Variants in MORC2 observed in about 807,000 individuals in gnomAD.
The protein encoded by MORC2 is MORC family CW-type zinc finger 2.
MORC2 carries 30 observed loss-of-function variants against 136.0 expected under a neutral mutation model. That is an observed-to-expected ratio of 0.22 (90% CI 0.17 to 0.30). The LOEUF is 0.30. MORC2 is among the 10% of genes least tolerant of loss of function. The pLI, the probability that MORC2 is intolerant of heterozygous loss-of-function variation, is 1.00. For synonymous variants in MORC2, 439 were observed against 487.0 expected (o/e 0.90, Z 1.30); for missense variants, 922 against 1,333.1 (o/e 0.69, Z 4.80).
At chr22:30,945,531 T>C (rs1250372550) in intron 6 of MORC2, among the ~76,000 whole-genome samples, 1 of 152,158 alleles carries the variant, frequency 6.6e-6, no homozygotes, top group Non-Finnish European at 1.5e-5. Flanking sequence ...CTCCATGTCT[T>C]ACATAGGAAA....
At position 30,940,052 on chromosome 22, in the gene MORC2, G is replaced by A. The variant is rs375444407; in HGVS notation, c.905-11C>T. 6.8e-6 allele frequency: 11 copies of A among 1,612,800 alleles called. No individual in the cohort carries two copies. In the African/African-American group the frequency reaches 1.5e-4, roughly 22 times the overall value. ...GCGCCTTCTCTTCAGCTGAAACCCA[G>A]AAGAGAACATGGTAAGAAATGCAAA... On this transcript the variant is annotated splice_polypyrimidine_tract_variant and intron_variant, in intron 10 of 25. Coordinates refer to ENST00000397641, the MANE Select transcript of MORC2 (RefSeq NM_001303256.3).
intron 1 of MORC2, among the ~76,000 whole-genome samples, chr22:30,962,496 GA>G: frequency 6.6e-6 from 1 of 151,894 alleles, no homozygotes; most frequent in Non-Finnish European, 1.5e-5. Flanking sequence ...TTGAAAGGCT[GA>G]GGTGGGAGGA....
chr22:30,927,835 G>C (rs1170865430), intron 25 of MORC2, among the ~76,000 whole-genome samples, 184 bp downstream of exon 25: 1 of 152,248 alleles, frequency 6.6e-6, no homozygotes. Flanking sequence ...CTATGGGTCT[G>C]GCTGGGCTGA....
Position 30,967,679 on chromosome 22 carries a change from G to A in MORC2, c.68+143C>T, listed in dbSNP as rs2041149489. 4 of 1,467,028 alleles carry A rather than the reference G, an allele frequency of 2.7e-6. No individual in the cohort carries two copies. In the East Asian group the frequency reaches 1.0e-4, roughly 37 times the overall value. 90.9% of individuals were successfully genotyped at this position (1,467,028 alleles called of 1,614,324 possible). ...ACTGATCTCAGTTCTTCAATACAGA[G>A]CTCAAGATATCCAGTGACACATTTC... On this transcript the variant is annotated intron_variant, in intron 1 of 25. Transcript: ENST00000397641.
At chr22:30,959,961 ATTTT>A (rs1443796801) in intron 1 of MORC2, among the ~76,000 whole-genome samples, 1 of 152,206 alleles carries the variant, frequency 6.6e-6, no homozygotes, top group Non-Finnish European at 1.5e-5. Context: ...TACAAATGCA[ATTTT>A]TTTGTTTTGT....
At chr22:30,936,368 T>C in intron 17 of MORC2, 143 bp downstream of exon 17, 1 of 1,047,808 alleles carries the variant, frequency 9.5e-7, no homozygotes, top group South Asian at 1.6e-5. Flanking sequence ...ACCTGGAGGT[T>C]GGGGTTGGAA....
intron 21 of MORC2, 80 bp from the exon 22 acceptor site, chr22:30,933,110 G>T (rs2040600373): frequency 6.3e-7 from 1 of 1,577,070 alleles, no homozygotes; most frequent in Non-Finnish European, 8.6e-7. Flanking sequence ...GAGAAAGGCA[G>T]TCCCCAGGGT....
intron 6 of MORC2, among the ~76,000 whole-genome samples, chr22:30,943,839 G>A (rs1432403192): frequency 6.6e-6 from 1 of 152,014 alleles, no homozygotes; most frequent in East Asian, 1.9e-4. Flanking sequence ...GCACGATCTC[G>A]GCTCACTGCA....
rs757701464 is a variant in MORC2 at position 30,926,766 on chromosome 22, G to A, written c.*37C>T. 1.9e-6 allele frequency: 3 copies of A among 1,580,910 alleles called. No individual in the cohort carries two copies. The highest frequency in any genetic ancestry group is 3.4e-4 in the Middle Eastern group (2 of 5,938). On this transcript the variant is annotated 3_prime_UTR_variant, in exon 26 of 26. Coordinates refer to ENST00000397641, the MANE Select transcript of MORC2 (RefSeq NM_001303256.3). ...CTCCCCCTGCAGCTACAGGGTTGAG[G>A]GGCAGGTGGGCAGGGGAGCTGCTCT...
intron 6 of MORC2, 74 bp downstream of exon 6, chr22:30,946,267 A>G: frequency 8.5e-7 from 1 of 1,174,144 alleles, no homozygotes. Context: ...AGCATTGCAA[A>G]TAACCTACGA....
Position 30,941,339 on chromosome 22 carries a change from C to A in MORC2, c.824+94G>T. ...CAAACGTAGTCAGCACTGCCAGAGC[C>A]TCTTATACAGCATCCCTCTAACAAT... is the stretch of plus-strand genomic sequence containing the variant. On this transcript the variant is annotated intron_variant, in intron 9 of 25. Coordinates refer to ENST00000397641, the MANE Select transcript of MORC2 (RefSeq NM_001303256.3). The surrounding 1 kb of genome is among the most constrained non-coding windows in gnomAD (Gnocchi z 4.6). The A allele has an allele frequency of 6.5e-7, 1 of 1,534,332 alleles. No homozygotes were observed. The highest frequency in any genetic ancestry group is 2.3e-5 in the East Asian group (1 of 43,510).
At chr22:30,933,299 T>C (rs548525765) in intron 21 of MORC2, among the ~76,000 whole-genome samples, 167 bp downstream of exon 21, 2 of 152,176 alleles carry the variant, frequency 1.3e-5, no homozygotes, top group South Asian at 4.1e-4. Flanking sequence ...AAAGGGGTGA[T>C]CCCTTCAGAA....
chr22:30,967,529 G>T, intron 1 of MORC2: 1 of 1,196,396 alleles, frequency 8.4e-7, no homozygotes, highest in Non-Finnish European at 1.0e-6. Flanking sequence ...GTATTTGTTG[G>T]ATTCCTATAA....
intron 24 of MORC2, chr22:30,929,876 G>C (rs1228509524): frequency 1.3e-5 from 2 of 151,824 alleles, no homozygotes; most frequent in African/African-American, 4.8e-5. Context: ...TTTTGACACA[G>C]TCTCGCTCTG....
chr22:30,926,678 A>AAAACAC lies in MORC2; in HGVS notation c.*119_*124dup. 1 of 554,728 alleles carries AAAACAC rather than the reference A, an allele frequency of 1.8e-6. No individual in the cohort carries two copies. The highest frequency in any genetic ancestry group is 3.6e-5 in the Admixed American group (1 of 27,868). 34.4% of individuals were successfully genotyped at this position (554,728 alleles called of 1,614,324 possible). ...AAGAATCAGGGTATCTTTTCCTCCAAAAACACAAATGTCCCGTGTAAGTCA... is the reference window on the plus strand; with the variant it reads ...AAGAATCAGGGTATCTTTTCCTCCAAAAACACAAACACAAATGTCCCGTGTAAGTCA... On this transcript the variant is annotated 3_prime_UTR_variant, in exon 26 of 26. Transcript: ENST00000397641.
At chr22:30,949,231 A>C (rs1449655345) in intron 5 of MORC2, among the ~76,000 whole-genome samples, 1 of 152,206 alleles carries the variant, frequency 6.6e-6, no homozygotes, top group Non-Finnish European at 1.5e-5. Context: ...GTCCCATGGG[A>C]TTTGAAGACA....
chr22:30,939,069 A>G (rs1182315839), intron 12 of MORC2, among the ~76,000 whole-genome samples: 1 of 152,222 alleles, frequency 6.6e-6, no homozygotes, highest in Non-Finnish European at 1.5e-5. Flanking sequence ...ATCAAGCCAC[A>G]GAGTCCAAAG....
intron 6 of MORC2, among the ~76,000 whole-genome samples, chr22:30,946,126 G>A (rs1220377393): frequency 6.6e-6 from 1 of 152,182 alleles, no homozygotes; most frequent in Non-Finnish European, 1.5e-5. Context: ...GTTGTTCTCT[G>A]AAGTGCTCTG....
rs1368051778 is a variant in MORC2, at chr22:30,968,617, C to T, written c.-728G>A. On this transcript the variant is annotated 5_prime_UTR_variant, in exon 1 of 26. In the 5' UTR this introduces an upstream ATG that the reference lacks. Coordinates refer to ENST00000397641, the MANE Select transcript of MORC2 (RefSeq NM_001303256.3). ...TCGGGCAGGCCGCGCCCCGCCCCCA[C>T]GTCCCTCAGACAACAGCCTCAGCCT... Among the ~76,000 whole-genome samples, 3 of 152,124 alleles carry T rather than the reference C, an allele frequency of 2.0e-5. No individual in the cohort carries two copies. The highest frequency in any genetic ancestry group is 4.4e-5 in the Non-Finnish European group (3 of 68,006).
Sources: allele counts gnomAD v4.1 joint callset (sites outside exome capture counted in the v4.1 genomes callset), GRCh38; gene constraint gnomAD v4.1.1; non-coding constraint Gnocchi (gnomAD v3.1); transcripts MANE v1.5; gene names NCBI Gene and HGNC (gene_info 2026-07-23, HGNC 2026-07-21).